ATF7IP: variants seen among roughly 807,000 people sequenced by gnomAD.
ATF7IP encodes activating transcription factor 7 interacting protein, also known as activating transcription factor 7-interacting protein 1.
A neutral mutation model predicts 106.4 loss-of-function variants in ATF7IP; 23 were observed. That is an observed-to-expected ratio of 0.22 (90% CI 0.16 to 0.31). The LOEUF (loss-of-function observed/expected upper bound fraction) is 0.31. Among genes scored for constraint, ATF7IP ranks in the 10% least tolerant of loss-of-function variants. The pLI, the probability that ATF7IP is intolerant of heterozygous loss-of-function variation, is 1.00. For synonymous variants in ATF7IP, 542 were observed against 539.0 expected (o/e 1.01, Z -0.08); for missense variants, 1,334 against 1,524.3 (o/e 0.88, Z 2.08).
intron 1 of ATF7IP, chr12:14,416,813 ATTTCGGCTTT>A: frequency 1.5e-6 from 1 of 652,696 alleles, no homozygotes; most frequent in Non-Finnish European, 1.9e-6. Flanking sequence ...GTTTTAGACT[ATTTCGGCTTT>A]GAGCCAATCA....
At chr12:14,481,256 A>C in intron 13 of ATF7IP, 71 bp downstream of exon 13, 9 of 1,540,642 alleles carry the variant, frequency 5.8e-6, no homozygotes, top group Non-Finnish European at 7.9e-6. Context: ...GGAATGGCAT[A>C]TAATAATGTT....
chr12:14,383,653 A>C (rs1939088842), intron 1 of ATF7IP, among the ~76,000 whole-genome samples: 1 of 152,162 alleles, frequency 6.6e-6, no homozygotes, highest in African/African-American at 2.4e-5. Flanking sequence ...TCTGGGCTCA[A>C]GTGATCTTCC....
In ATF7IP at chr12:14,367,393, C is replaced by T. The variant is rs988882459; in HGVS notation, c.-8+1566C>T. On this transcript the variant is annotated intron_variant, in intron 1 of 14. Transcript: ENST00000261168. ...CTTTTTTTCTCAAGAGAATATTTGACCTGATGTAATTCTTGGATCTCTGAG... is the reference window on the plus strand; with the variant it reads ...CTTTTTTTCTCAAGAGAATATTTGATCTGATGTAATTCTTGGATCTCTGAG... The T allele has an allele frequency of 3.9e-5, 6 of 151,916 alleles. No individual in the cohort carries two copies. The East Asian group carries it at 1.2e-3, about 29-fold the overall frequency. The allele number at this position is 151,916 out of a possible 1,614,324, so 9.4% of individuals were successfully genotyped here.
chr12:14,469,983 G>C (rs1943980289), intron 10 of ATF7IP, among the ~76,000 whole-genome samples: 1 of 152,124 alleles, frequency 6.6e-6, no homozygotes, highest in Non-Finnish European at 1.5e-5. Flanking sequence ...TATATAAGTG[G>C]CCATGGCATT....
chr12:14,441,143 A>G lies in ATF7IP; in HGVS notation c.1929+2876A>G, dbSNP rs186578395. Among the ~76,000 whole-genome samples the G allele has an allele frequency of 5.6e-4, 86 of 152,298 alleles. 2 individuals are homozygous for G. In the South Asian group the frequency reaches 8.9e-3, roughly 16 times the overall value. ...GGTAATTCTTTGTTTAACTTACTGAAGAATCACCCAGCTGTTGTCCACAGT... is the reference window on the plus strand; with the variant it reads ...GGTAATTCTTTGTTTAACTTACTGAGGAATCACCCAGCTGTTGTCCACAGT... On this transcript the variant is annotated intron_variant, in intron 5 of 14. Transcript: ENST00000261168.
chr12:14,477,008 T>C (rs1011927148), intron 11 of ATF7IP, among the ~76,000 whole-genome samples: 2 of 152,200 alleles, frequency 1.3e-5, no homozygotes, highest in Non-Finnish European at 2.9e-5. Context: ...TAATTTATAA[T>C]GTAAATCTCC....
intron 10 of ATF7IP, among the ~76,000 whole-genome samples, chr12:14,474,907 A>AT (rs758460523): frequency 1.4e-4 from 22 of 152,228 alleles, no homozygotes; most frequent in Middle Eastern, 3.4e-3. Flanking sequence ...GATTTTATAG[A>AT]TTTTTGGTGT....
At chr12:14,393,374 A>G (rs1939679265) in intron 1 of ATF7IP, among the ~76,000 whole-genome samples, 1 of 152,118 alleles carries the variant, frequency 6.6e-6, no homozygotes, top group Non-Finnish European at 1.5e-5. Context: ...TTGATATAAG[A>G]TCTTTCCTCC....
At chr12:14,448,461 C>G (rs1027621370) in intron 6 of ATF7IP, among the ~76,000 whole-genome samples, 3 of 152,098 alleles carry the variant, frequency 2.0e-5, no homozygotes, top group Admixed American at 6.5e-5. Context: ...TTATGTAGCC[C>G]CCATCACAGT....
At chr12:14,382,761 G>T (rs530526936) in intron 1 of ATF7IP, among the ~76,000 whole-genome samples, 20 of 152,210 alleles carry the variant, frequency 1.3e-4, no homozygotes, top group African/African-American at 4.3e-4. Flanking sequence ...ATCAAGATGC[G>T]ATTTATATCC....
At position 14,460,641 on chromosome 12, in the gene ATF7IP, A is replaced by G; in HGVS notation, c.2305A>G (p.Ser769Gly). 6.2e-7 allele frequency: 1 copy of G among 1,614,146 alleles called. No homozygotes were observed. The highest frequency in any genetic ancestry group is 8.5e-7 in the Non-Finnish European group (1 of 1,180,010). ...TGTAGTTGCTACTACTCAGGTGCCT[A>G]GTGGAAATCCCCAGCCTACAATCTC... ...ATVVATTQVPSGNPQPTISLQ... is the reference protein window; with the variant it reads ...ATVVATTQVPGGNPQPTISLQ... The change falls in exon 9 of 15, where the codon AGT (serine) becomes GGT (glycine). Residue 769 changes from serine to glycine, a missense_variant. Physicochemically the swap from Ser to Gly is moderately conservative, Grantham distance 56 (BLOSUM62 0). Coordinates refer to ENST00000261168, the MANE Select transcript of ATF7IP (RefSeq NM_018179.5).
chr12:14,367,661 A>G (rs370634955), intron 1 of ATF7IP, among the ~76,000 whole-genome samples: 2 of 152,112 alleles, frequency 1.3e-5, no homozygotes, highest in East Asian at 1.9e-4. Context: ...TTTCATTTGA[A>G]TATACAGATG....
chr12:14,366,546 A>G (rs1258322575), intron 1 of ATF7IP, among the ~76,000 whole-genome samples: 2 of 152,220 alleles, frequency 1.3e-5, no homozygotes, highest in African/African-American at 4.8e-5. Context: ...TCTGAGGATT[A>G]TTTTGGTTTT....
chr12:14,486,289 G>A (rs1293943183), intron 13 of ATF7IP, among the ~76,000 whole-genome samples: 1 of 152,140 alleles, frequency 6.6e-6, no homozygotes, highest in East Asian at 1.9e-4. Context: ...ATCAATGTAA[G>A]CTCAGAACCA....
At chr12:14,453,283 TTCTC>T (rs1256816358) in intron 6 of ATF7IP, among the ~76,000 whole-genome samples, 2 of 152,308 alleles carry the variant, frequency 1.3e-5, no homozygotes, top group Middle Eastern at 3.4e-3. Context: ...TTATTTATCT[TTCTC>T]TCTGTCTTCC....
intron 13 of ATF7IP, among the ~76,000 whole-genome samples, chr12:14,489,307 C>CT (rs1205070159): frequency 2.0e-5 from 3 of 152,196 alleles, no homozygotes; most frequent in Non-Finnish European, 4.4e-5. Flanking sequence ...ACAGCCAACA[C>CT]TAACTCCCTT....
chr12:14,387,492 G>C (rs937359937), intron 1 of ATF7IP, among the ~76,000 whole-genome samples: 1 of 152,124 alleles, frequency 6.6e-6, no homozygotes, highest in Non-Finnish European at 1.5e-5. Context: ...TGCTGGTCTT[G>C]AGTGGGATCT....
chr12:14,497,285 A>G (rs904002353), intron 14 of ATF7IP, among the ~76,000 whole-genome samples: 27 of 152,372 alleles, frequency 1.8e-4, no homozygotes, highest in African/African-American at 6.0e-4. Flanking sequence ...AAAATGTTAC[A>G]TCATACTGAA....
chr12:14,473,900 T>A (rs1944155765), intron 10 of ATF7IP, among the ~76,000 whole-genome samples: 1 of 152,076 alleles, frequency 6.6e-6, no homozygotes, highest in Non-Finnish European at 1.5e-5. Flanking sequence ...AGTTACTCTT[T>A]GCTCCTGTAT....
Sources: allele counts gnomAD v4.1 joint callset (sites outside exome capture counted in the v4.1 genomes callset), GRCh38; gene constraint gnomAD v4.1.1; transcripts MANE v1.5; gene names NCBI Gene and HGNC (gene_info 2026-07-23, HGNC 2026-07-21).